Variants in PIK3C2A observed in about 807,000 individuals in gnomAD.
PIK3C2A encodes phosphatidylinositol 4-phosphate 3-kinase C2 domain-containing subunit alpha.
PIK3C2A carries 97 observed loss-of-function variants against 204.5 expected under a neutral mutation model. That is an observed-to-expected ratio of 0.47 (90% CI 0.40 to 0.56). PIK3C2A has a LOEUF of 0.56. Ranked by LOEUF, PIK3C2A falls within the 20% of genes least tolerant of loss-of-function variation. The pLI is 0.00. For synonymous variants in PIK3C2A, 653 were observed against 664.4 expected (o/e 0.98, Z 0.26); for missense variants, 1,735 against 1,969.2 (o/e 0.88, Z 2.25).
At chr11:17,181,346 ATT>A (rs75441780) in intron 1 of PIK3C2A, among the ~76,000 whole-genome samples, 1 of 148,664 alleles carries the variant, frequency 6.7e-6, no homozygotes, top group African/African-American at 2.5e-5. Flanking sequence ...CAATCATCTG[ATT>A]TTTTTTTTTA....
chr11:17,178,564 A>C (rs1326538750), intron 1 of PIK3C2A, among the ~76,000 whole-genome samples: 2 of 151,984 alleles, frequency 1.3e-5, no homozygotes, highest in African/African-American at 4.8e-5. Context: ...TGTCTTATTT[A>C]TTATCTACTT....
At chr11:17,138,172 G>T in intron 8 of PIK3C2A, 1 of 869,184 alleles carries the variant, frequency 1.2e-6, no homozygotes, top group Non-Finnish European at 1.9e-6. Flanking sequence ...ACCCCTCAAA[G>T]TCTACCTGGG....
chr11:17,194,802 G>A (rs1401090982), intron 1 of PIK3C2A, among the ~76,000 whole-genome samples: 3 of 151,590 alleles, frequency 2.0e-5, no homozygotes, highest in South Asian at 2.1e-4. Context: ...CCAGCTACTC[G>A]GGAGTCTGAG....
Position 17,129,309 on chromosome 11 carries a change from T to C in PIK3C2A, c.2390A>G (p.Asp797Gly). The C allele has an allele frequency of 6.2e-7, 1 of 1,613,426 alleles. No homozygotes were observed. The highest frequency in any genetic ancestry group is 8.5e-7 in the Non-Finnish European group (1 of 1,179,522). ...ALGKVSLPLF[D>G]FKRFLTCGTK... is the part of the protein sequence containing the mutation. ...ATTCGGTAATACTTACCGTTTAAAG[T>C]CAAAAAGAGGTAAAGAAACTTTGCC... is the stretch of plus-strand genomic sequence containing the variant. Residue 797 changes from aspartate (D) to glycine (G), a missense_variant, in exon 13 of 33, where the codon GAC becomes GGC. Asp to Gly is a moderately conservative substitution (Grantham distance 94). Transcript: ENST00000691414.
Position 17,145,692 on chromosome 11 carries a change from T to G in PIK3C2A, c.1680A>C (p.Gln560His). 1 of 1,608,704 alleles carries G rather than the reference T, an allele frequency of 6.2e-7. No individual in the cohort carries two copies. Among genetic ancestry groups the G allele is most frequent in the South Asian group, 1.1e-5 (1 of 90,638 alleles). Residue 560 changes from glutamine (Q) to histidine (H), a missense_variant, in exon 8 of 33, where the codon CAA (glutamine) becomes CAC (histidine). Physicochemically the swap from Gln to His is conservative, Grantham distance 24 (BLOSUM62 0). Transcript: ENST00000691414. ...VEELLDSYHN[Q>H]VELALQIENQ... ...CTTCAATTTGAAGAGCCAGTTCTAC[T>G]TGGTTGTGATAAGAATCTAAGAGTT...
At chr11:17,112,691 T>G (rs757707938) in intron 20 of PIK3C2A, 25 bp from the exon 21 acceptor site, 8 of 1,223,502 alleles carry the variant, frequency 6.5e-6, no homozygotes, top group Non-Finnish European at 9.1e-6. Context: ...TGTTAAGCAT[T>G]AGAAAGATAA....
chr11:17,190,295 A>G (rs1047541172), intron 1 of PIK3C2A, among the ~76,000 whole-genome samples: 1 of 151,840 alleles, frequency 6.6e-6, no homozygotes, highest in African/African-American at 2.4e-5. Context: ...TAATTATGAT[A>G]GGCTGGGTGC....
chr11:17,127,385 A>C (rs1015539649), intron 13 of PIK3C2A, among the ~76,000 whole-genome samples: 2 of 151,980 alleles, frequency 1.3e-5, no homozygotes, highest in African/African-American at 4.8e-5. Flanking sequence ...CTTGACTCAC[A>C]GCAACCTCTG....
chr11:17,140,985 C>T (rs1850045281), intron 8 of PIK3C2A, among the ~76,000 whole-genome samples: 1 of 152,036 alleles, frequency 6.6e-6, no homozygotes, highest in South Asian at 2.1e-4. Context: ...AGGGGAACAA[C>T]ATGCACAGGG....
intron 28 of PIK3C2A, among the ~76,000 whole-genome samples, chr11:17,092,518 T>C (rs1848338575): frequency 6.6e-6 from 1 of 152,016 alleles, no homozygotes; most frequent in Non-Finnish European, 1.5e-5. Context: ...AATACAAAAA[T>C]TAGCGTGCTG....
intron 23 of PIK3C2A, among the ~76,000 whole-genome samples, chr11:17,103,879 C>T (rs1327400572): frequency 1.3e-5 from 2 of 152,148 alleles, no homozygotes; most frequent in Admixed American, 6.6e-5. Flanking sequence ...GCAATTATTT[C>T]CTCACCAGGA....
intron 6 of PIK3C2A, 55 bp from the exon 7 acceptor site, chr11:17,145,997 G>T: frequency 7.7e-7 from 1 of 1,299,406 alleles, no homozygotes; most frequent in Non-Finnish European, 1.1e-6. Context: ...TCTTTCTATT[G>T]TCAAATTAAA....
intron 1 of PIK3C2A, among the ~76,000 whole-genome samples, chr11:17,205,443 C>T (rs2137595464): frequency 7.4e-6 from 1 of 135,614 alleles, no homozygotes; most frequent in African/African-American, 2.7e-5. Context: ...CACTGCACTC[C>T]AGCCTCGTCA....
At chr11:17,118,621 T>C in intron 18 of PIK3C2A, 24 bp downstream of exon 18, 1 of 1,021,230 alleles carries the variant, frequency 9.8e-7, no homozygotes. Flanking sequence ...GGAAATACGG[T>C]AATCAATAAA....
intron 1 of PIK3C2A, among the ~76,000 whole-genome samples, chr11:17,205,128 G>C (rs1361242911): frequency 6.6e-6 from 1 of 151,828 alleles, no homozygotes; most frequent in Non-Finnish European, 1.5e-5. Flanking sequence ...AGTGAGCTGA[G>C]ATCACGCCAC....
At chr11:17,178,106 A>AAG (rs1851399450) in intron 1 of PIK3C2A, among the ~76,000 whole-genome samples, 1 of 96,314 alleles carries the variant, frequency 1.0e-5, no homozygotes. Context: ...AAAAAAAAAA[A>AAG]AAAAAAGAAA....
Position 17,132,315 on chromosome 11 carries a change from A to ATTTTTT in PIK3C2A, c.2109-283_2109-278dup, listed in dbSNP as rs11307715. ...AACACCAGCTGAATAATTAACTTTAATTTTTTTTTTTTTTTTTTTTTTTTT... is the reference window on the plus strand; with the variant it reads ...AACACCAGCTGAATAATTAACTTTAATTTTTTTTTTTTTTTTTTTTTTTTTTTTTTT... On this transcript the variant is annotated intron_variant, in intron 11 of 32. Transcript: ENST00000691414. Among the ~76,000 whole-genome samples, 6 of 78,810 alleles carry ATTTTTT rather than the reference A, an allele frequency of 7.6e-5. No individual in the cohort carries two copies. The East Asian group carries it at 9.5e-4, about 12-fold the overall frequency. 51.7% of individuals were successfully genotyped at this position (78,810 alleles called of 152,430 possible).
At chr11:17,134,160 C>T (rs1196555031) in intron 11 of PIK3C2A, among the ~76,000 whole-genome samples, 2 of 152,072 alleles carry the variant, frequency 1.3e-5, no homozygotes, top group African/African-American at 4.8e-5. Context: ...TAACTGGTTG[C>T]TGACATTTTA....
intron 2 of PIK3C2A, among the ~76,000 whole-genome samples, chr11:17,161,955 T>C (rs1850788676): frequency 6.6e-6 from 1 of 152,186 alleles, no homozygotes; most frequent in Non-Finnish European, 1.5e-5. Flanking sequence ...CCTATTTTGG[T>C]CTACATAAAA....
Sources: allele counts gnomAD v4.1 joint callset (sites outside exome capture counted in the v4.1 genomes callset), GRCh38; gene constraint gnomAD v4.1.1; transcripts MANE v1.5; gene names NCBI Gene and HGNC (gene_info 2026-07-23, HGNC 2026-07-21).